The following C16orf96 variants were observed in gnomAD, a reference collection of about 807,000 sequenced individuals.
C16orf96 encodes uncharacterized protein C16orf96.
In C16orf96, 108 loss-of-function variants were observed where a neutral mutation model predicts 103.6. The observed-to-expected ratio is 1.04, with a 90% CI of 0.89 to 1.22. C16orf96 has a LOEUF of 1.22. C16orf96 is among the 50% of genes most tolerant of loss of function. The pLI is 0.00. For synonymous variants in C16orf96, 566 were observed against 593.5 expected (o/e 0.95, Z 0.67); for missense variants, 1,586 against 1,464.2 (o/e 1.08, Z -1.36).
chr16:4,596,951 G>T (rs1181564372), intron 14 of C16orf96, among the ~76,000 whole-genome samples: 1 of 152,084 alleles, frequency 6.6e-6, no homozygotes. Context: ...TCCCCCATAA[G>T]GACATTTGTC....
intron 1 of C16orf96, among the ~76,000 whole-genome samples, chr16:4,563,436 G>C (rs2059353597): frequency 6.6e-6 from 1 of 152,260 alleles, no homozygotes; most frequent in Non-Finnish European, 1.5e-5. Flanking sequence ...TGTATTTTTT[G>C]TAGAGACAGG....
intron 2 of C16orf96, among the ~76,000 whole-genome samples, chr16:4,572,936 A>G (rs1032961969): frequency 3.9e-5 from 6 of 152,156 alleles, no homozygotes; most frequent in African/African-American, 2.4e-5. Flanking sequence ...CCAGCTCTCC[A>G]CACCCCCAGG....
rs866061767 is a variant in C16orf96, at chr16:4,593,488, A to G, written c.2867+172A>G. Among the ~76,000 whole-genome samples, 2 of 151,024 alleles carry G rather than the reference A, an allele frequency of 1.3e-5. No individual in the cohort carries two copies. The highest frequency in any genetic ancestry group is 2.9e-5 in the Non-Finnish European group (2 of 67,812). On this transcript the variant is annotated intron_variant, in intron 12 of 15. Transcript: ENST00000444310. The surrounding 1 kb of genome is among the most constrained non-coding windows in gnomAD (Gnocchi z 4.2). ...CTCCGAGAGGTGGCTGGGGCGGCAG[A>G]CAGGCCCACGAGATGATGGCGGAGG... is the stretch of plus-strand genomic sequence containing the variant.
At chr16:4,574,389 T>G (rs2059475658) in intron 2 of C16orf96, among the ~76,000 whole-genome samples, 1 of 152,102 alleles carries the variant, frequency 6.6e-6, no homozygotes, top group Admixed American at 6.6e-5. Flanking sequence ...GCCCAGCTAA[T>G]TTTTGTATTT....
Position 4,600,225 on chromosome 16 carries a change from C to G in C16orf96, c.3334C>G (p.Gln1112Glu), listed in dbSNP as rs1334321519. The G allele has an allele frequency of 2.6e-6, 4 of 1,551,516 alleles. No individual in the cohort carries two copies. The East Asian group carries it at 9.8e-5, about 38-fold the overall frequency. ...PPLIPSLRDPQQAPGSTRLSR... is the reference protein window; with the variant it reads ...PPLIPSLRDPEQAPGSTRLSR... Reference sequence around the variant, plus strand: ...GCTGATTCCATCCCTAAGGGACCCCCAGCAGGCCCCAGGGTCCACCAGGCT... The same window carrying G: ...GCTGATTCCATCCCTAAGGGACCCCGAGCAGGCCCCAGGGTCCACCAGGCT... The change falls in exon 16 of 16, where the codon CAG (glutamine) becomes GAG (glutamate). Residue 1112 changes from glutamine (Q) to glutamate (E), a missense_variant. Coordinates refer to ENST00000444310, the MANE Select transcript of C16orf96 (RefSeq NM_001145011.2).
rs1896972264 is a variant in C16orf96 at position 4,588,154 on chromosome 16, CCT to C, written c.2428-12_2428-11del. The C allele has an allele frequency of 6.5e-7, 1 of 1,549,344 alleles. No individual in the cohort carries two copies. Among genetic ancestry groups the C allele is most frequent in the Admixed American group, 2.0e-5 (1 of 50,948 alleles). ...CCAGCAGCCATGCCTCCCTGAACTC[CCT>C]GTCTCCCTAGAAAGCTGACAGGAGT... On this transcript the variant is annotated splice_polypyrimidine_tract_variant and intron_variant, in intron 8 of 15. Transcript: ENST00000444310.
chr16:4,574,526 A>G (rs1461238986), intron 2 of C16orf96, among the ~76,000 whole-genome samples, 183 bp from the exon 3 acceptor site: 2 of 152,178 alleles, frequency 1.3e-5, no homozygotes, highest in East Asian at 1.9e-4. Flanking sequence ...CCGGCCTGAC[A>G]TGCTTTCAAG....
chr16:4,576,429 C>T lies in C16orf96; in HGVS notation c.1949C>T (p.Pro650Leu). 6.4e-7 allele frequency: 1 copy of T among 1,551,268 alleles called. No homozygotes were observed. Among genetic ancestry groups the T allele is most frequent in the Non-Finnish European group, 8.7e-7 (1 of 1,147,016 alleles). The change falls in exon 5 of 16, where the codon CCC becomes CTC. Residue 650 changes from proline to leucine, a missense_variant. Coordinates refer to ENST00000444310, the MANE Select transcript of C16orf96 (RefSeq NM_001145011.2). ...TCCGAAATCTACGAAATCCTCTCTCCCTCCTACTCTGCTGCCAGCATCGGT... is the reference window on the plus strand; with the variant it reads ...TCCGAAATCTACGAAATCCTCTCTCTCTCCTACTCTGCTGCCAGCATCGGT... ...DDSEIYEILS[P>L]SYSAASIGPD...
At position 4,556,650 on chromosome 16, in the gene C16orf96, A is replaced by G; in HGVS notation, c.161A>G (p.Gln54Arg). ...CTCTCAGGCGATGAGGACTTCCTGC[A>G]GACCTCGCAGGTGGTCATCATGCCC... ...KVLSGDEDFL[Q>R]TSQVVIMPRE... The change falls in exon 1 of 16, where the codon CAG (glutamine) becomes CGG (arginine). Residue 54 changes from glutamine to arginine, a missense_variant. Transcript: ENST00000444310. 1 of 1,551,716 alleles carries G rather than the reference A, an allele frequency of 6.4e-7. No individual in the cohort carries two copies. The highest frequency in any genetic ancestry group is 8.7e-7 in the Non-Finnish European group (1 of 1,146,958).
chr16:4,539,178 A>G, the C16orf96 span, among the ~76,000 whole-genome samples: 3 of 152,226 alleles, frequency 2.0e-5, no homozygotes, highest in Admixed American at 2.0e-4. Flanking sequence ...ACAGTGAAAG[A>G]GAGCTGACCT....
rs1041107855 is a variant in C16orf96 at position 4,589,852 on chromosome 16, G to A, written c.2592+1521G>A. On this transcript the variant is annotated intron_variant, in intron 9 of 15. Transcript: ENST00000444310. ...AAAAAATACTCCATCGGCTAGGCAC[G>A]GTGGCTCACGCCTGTAATCCCAGCA... Among the ~76,000 whole-genome samples, 21 of 152,086 alleles carry A rather than the reference G, an allele frequency of 1.4e-4. 1 individual carries two copies. Among genetic ancestry groups the A allele is most frequent in the African/African-American group, 4.6e-4 (19 of 41,402 alleles).
chr16:4,592,224 CT>C, intron 10 of C16orf96, 80 bp from the exon 11 acceptor site: 3 of 1,516,632 alleles, frequency 2.0e-6, no homozygotes, highest in Non-Finnish European at 2.7e-6. Context: ...GGATGCAGCC[CT>C]GGGGCTCTGG....
intron 2 of C16orf96, among the ~76,000 whole-genome samples, chr16:4,574,474 G>C (rs2059476534): frequency 6.6e-6 from 1 of 150,626 alleles, no homozygotes; most frequent in South Asian, 2.1e-4. Context: ...CACCCACCTT[G>C]ACCTCTCAAA....
chr16:4,577,203 C>CA (rs1370588834), intron 5 of C16orf96, among the ~76,000 whole-genome samples: 3 of 151,746 alleles, frequency 2.0e-5, no homozygotes, highest in African/African-American at 7.3e-5. Flanking sequence ...AAAACAACAA[C>CA]AACAAAAAAA....
chr16:4,569,878 G>T (rs1470714345), intron 1 of C16orf96, among the ~76,000 whole-genome samples: 1 of 152,086 alleles, frequency 6.6e-6, no homozygotes, highest in Non-Finnish European at 1.5e-5. Context: ...TGAGAGCTCA[G>T]TCTCACCAGG....
At position 4,575,163 on chromosome 16, in the gene C16orf96, C is replaced by G. The variant is rs76048912; in HGVS notation, c.694-11C>G. The G allele has an allele frequency of 0.022, 33,485 of 1,545,300 alleles. 437 individuals carry two copies. Among genetic ancestry groups the G allele is most frequent in the Non-Finnish European group, 0.026 (29,677 of 1,146,346 alleles). ...GAAGCCAGCAGAGCCCCTCTGCCCCCTCTTCTGCAGGAAATTGGTTCATCA... is the reference window on the plus strand; with the variant it reads ...GAAGCCAGCAGAGCCCCTCTGCCCCGTCTTCTGCAGGAAATTGGTTCATCA... On this transcript the variant is annotated splice_polypyrimidine_tract_variant and intron_variant, in intron 4 of 15. Transcript: ENST00000444310.
rs1366888850 is a variant in C16orf96, at chr16:4,593,620, T to G, written c.2867+304T>G. On this transcript the variant is annotated intron_variant, in intron 12 of 15. Coordinates refer to ENST00000444310, the MANE Select transcript of C16orf96 (RefSeq NM_001145011.2). The surrounding 1 kb of genome is among the most constrained non-coding windows in gnomAD (Gnocchi z 4.2). The stretch of plus-strand genomic sequence containing the variant: ...GTGAGCTAGGGTTCCTATGCCCATG[T>G]CCCTGTTTCTTGGCGGAGGGAATCG... 6.6e-6 allele frequency among the ~76,000 whole-genome samples: 1 copy of G among 152,024 alleles called. No homozygotes were observed. The highest frequency in any genetic ancestry group is 1.5e-5 in the Non-Finnish European group (1 of 68,002).
chr16:4,560,902 C>CT (rs1457233932), intron 1 of C16orf96: 1 of 152,084 alleles, frequency 6.6e-6, no homozygotes, highest in Admixed American at 6.6e-5. Context: ...CCCTATAATC[C>CT]CAACACTTTG....
chr16:4,588,040 A>T lies in C16orf96; in HGVS notation c.2428-127A>T, dbSNP rs765124855. ...GAATCCACGTAGACCCCAGGGTTGC[A>T]TTTAAGCCAAGGCTAAAAGTCCAGA... is the stretch of plus-strand genomic sequence containing the variant. On this transcript the variant is annotated intron_variant, in intron 8 of 15. Coordinates refer to ENST00000444310, the MANE Select transcript of C16orf96 (RefSeq NM_001145011.2). 1.3e-5 allele frequency: 12 copies of T among 933,484 alleles called. 1 individual carries two copies. The highest frequency in any genetic ancestry group is 1.2e-4 in the African/African-American group (7 of 59,920). The allele number at this position is 933,484 out of a possible 1,614,324, so 57.8% of individuals were successfully genotyped here.
Sources: gnomAD v4.1 joint callset for allele counts (sites outside exome capture counted in the v4.1 genomes callset) on GRCh38, gnomAD v4.1.1 for gene constraint, Gnocchi (gnomAD v3.1) non-coding constraint, MANE v1.5 for transcripts, NCBI Gene and HGNC (gene_info 2026-07-23, HGNC 2026-07-21) for gene names.